Variants in YTHDF3 observed in about 807,000 individuals in gnomAD.
The protein encoded by YTHDF3 is YTH N6-methyladenosine RNA binding protein F3.
In YTHDF3, 9 loss-of-function variants were observed where a neutral mutation model predicts 52.5. The ratio of observed to expected loss-of-function variants is 0.17; its 90% CI spans 0.10 to 0.30. The LOEUF is 0.30. Among genes scored for constraint, YTHDF3 ranks in the 10% least tolerant of loss-of-function variants. YTHDF3 has a pLI of 1.00. For missense variants in YTHDF3, 534 were observed against 715.0 expected (o/e 0.75, Z 2.89); for synonymous variants, 274 against 243.3 (o/e 1.13, Z -1.18).
At chr8:63,192,403 G>T (rs1220749037) in intron 4 of YTHDF3, among the ~76,000 whole-genome samples, 5 of 152,314 alleles carry the variant, frequency 3.3e-5, no homozygotes, top group African/African-American at 1.2e-4. Flanking sequence ...GAGTCATGCT[G>T]TAAATTGATT....
At chr8:63,179,582 GTACA>G (rs1216592627) in intron 3 of YTHDF3, among the ~76,000 whole-genome samples, 16 of 152,144 alleles carry the variant, frequency 1.1e-4, no homozygotes, top group Admixed American at 1.0e-3. Context: ...ATTTTTCTTA[GTACA>G]GAACAAAATG....
intron 3 of YTHDF3, among the ~76,000 whole-genome samples, chr8:63,185,791 TG>T (rs1379303482): frequency 2.0e-5 from 3 of 152,226 alleles, no homozygotes; most frequent in African/African-American, 7.2e-5. Flanking sequence ...TGGCTGTAAA[TG>T]GTAATTTTGT....
At chr8:63,197,745 C>T (rs1809333506) in intron 4 of YTHDF3, among the ~76,000 whole-genome samples, 1 of 151,986 alleles carries the variant, frequency 6.6e-6, no homozygotes, top group African/African-American at 2.4e-5. Flanking sequence ...AATGGCAACC[C>T]CTCAGAGGAA....
chr8:63,189,963 C>T (rs1384254205), intron 4 of YTHDF3, among the ~76,000 whole-genome samples: 2 of 152,132 alleles, frequency 1.3e-5, no homozygotes. Flanking sequence ...TCAAAAGTAG[C>T]TACTGAGTCT....
At chr8:63,200,165 C>T (rs1359978287) in intron 4 of YTHDF3, among the ~76,000 whole-genome samples, 1 of 152,122 alleles carries the variant, frequency 6.6e-6, no homozygotes, top group Non-Finnish European at 1.5e-5. Context: ...GTTTCTCAAG[C>T]GTTGTTGGAC....
chr8:63,203,131 A>C (rs1809751388), intron 4 of YTHDF3, among the ~76,000 whole-genome samples: 1 of 151,662 alleles, frequency 6.6e-6, no homozygotes, highest in African/African-American at 2.4e-5. Flanking sequence ...GATCCCAGCT[A>C]CTCGAGAGGC....
At chr8:63,185,710 C>G (rs899390990) in intron 3 of YTHDF3, among the ~76,000 whole-genome samples, 1 of 152,082 alleles carries the variant, frequency 6.6e-6, no homozygotes, top group East Asian at 1.9e-4. Context: ...CTCTATTATT[C>G]GGCAGAGTTG....
At chr8:63,192,029 C>T (rs989799121) in intron 4 of YTHDF3, among the ~76,000 whole-genome samples, 2 of 152,100 alleles carry the variant, frequency 1.3e-5, no homozygotes, top group South Asian at 2.1e-4. Context: ...TTGGCGGGGG[C>T]GTACAGCTCT....
chr8:63,199,014 G>GAGTA (rs1554539529), intron 4 of YTHDF3, among the ~76,000 whole-genome samples: 1 of 150,696 alleles, frequency 6.6e-6, no homozygotes, highest in Non-Finnish European at 1.5e-5. Flanking sequence ...TAAAAACATT[G>GAGTA]GTATTTTGAA....
chr8:63,201,663 G>GT (rs1809651518), intron 4 of YTHDF3, among the ~76,000 whole-genome samples: 1 of 152,106 alleles, frequency 6.6e-6, no homozygotes, highest in Non-Finnish European at 1.5e-5. Context: ...TTCAACTCTG[G>GT]TATTGGCTGC....
In YTHDF3 at chr8:63,211,189, C is replaced by A. The variant is rs1052691909; in HGVS notation, c.*1483C>A. On this transcript the variant is annotated 3_prime_UTR_variant, in exon 5 of 5. Coordinates refer to ENST00000539294, the MANE Select transcript of YTHDF3 (RefSeq NM_152758.6). ...TTCATTTATATAATTTTATTTTGTA[C>A]AATGTTTTTTTTAAATGTGCAAATA... The A allele has an allele frequency of 6.6e-6, 1 of 152,128 alleles. No homozygotes were observed. The highest frequency in any genetic ancestry group is 1.5e-5 in the Non-Finnish European group (1 of 67,866). The allele number at this position is 152,128 out of a possible 1,614,324, so 9.4% of individuals were successfully genotyped here.
At chr8:63,207,896 A>G (rs1460787006) in intron 4 of YTHDF3, among the ~76,000 whole-genome samples, 1 of 152,136 alleles carries the variant, frequency 6.6e-6, no homozygotes, top group Non-Finnish European at 1.5e-5. Context: ...GTGCTTCCAA[A>G]TTTCTCATCC....
intron 4 of YTHDF3, among the ~76,000 whole-genome samples, chr8:63,209,069 T>C (rs1810216707): frequency 6.7e-6 from 1 of 150,130 alleles, no homozygotes; most frequent in South Asian, 2.1e-4. Flanking sequence ...GGTTTCATCA[T>C]GTTGGTCAGG....
At chr8:63,168,607 C>T (rs925065087), upstream of YTHDF3, 5 of 591,530 alleles carry the variant, frequency 8.5e-6, no homozygotes, top group African/African-American at 9.7e-5. Flanking sequence ...GTCAGGGAGG[C>T]TCGGAGCGGA....
chr8:63,178,302 A>G (rs1342826378), intron 3 of YTHDF3, among the ~76,000 whole-genome samples: 1 of 152,188 alleles, frequency 6.6e-6, no homozygotes, highest in Non-Finnish European at 1.5e-5. Context: ...GAATCCCACC[A>G]GTGTAGCAAC....
At chr8:63,200,049 T>C (rs896751143) in intron 4 of YTHDF3, among the ~76,000 whole-genome samples, 3 of 152,212 alleles carry the variant, frequency 2.0e-5, no homozygotes, top group Admixed American at 6.5e-5. Flanking sequence ...TCCTCAGCTT[T>C]AGGGCCTCTC....
At position 63,169,271 on chromosome 8, in the gene YTHDF3, T is replaced by C. The variant is rs1264919524; in HGVS notation, c.25-116T>C. 9 of 1,415,714 alleles carry C rather than the reference T, an allele frequency of 6.4e-6. No individual in the cohort carries two copies. The Admixed American group carries it at 6.7e-5, about 11-fold the overall frequency. The allele number at this position is 1,415,714 out of a possible 1,614,324, so 87.7% of individuals were successfully genotyped here. ...GTGGCTGTGGAGGATATGGTGGGTT[T>C]TTACTCCTACGCGGATAGTCTAAAA... On this transcript the variant is annotated intron_variant, in intron 1 of 4. Coordinates refer to ENST00000539294, the MANE Select transcript of YTHDF3 (RefSeq NM_152758.6).
chr8:63,188,794 A>G (rs1455468353), intron 4 of YTHDF3: 1 of 140,358 alleles, frequency 7.1e-6, no homozygotes, highest in African/African-American at 2.7e-5. Flanking sequence ...GCTCACTGCA[A>G]CGTCCGCCTC....
intron 4 of YTHDF3, among the ~76,000 whole-genome samples, chr8:63,195,289 T>G (rs2043525): frequency 0.77 from 117,188 of 152,212 alleles, 46,462 homozygotes; most frequent in East Asian, 0.98. Flanking sequence ...TAAAAGAAGC[T>G]GTAATTCCGG....
Sources: gnomAD v4.1 joint callset for allele counts (sites outside exome capture counted in the v4.1 genomes callset) on GRCh38, gnomAD v4.1.1 for gene constraint, MANE v1.5 for transcripts, NCBI Gene and HGNC (gene_info 2026-07-23, HGNC 2026-07-21) for gene names.